Variants in TSPAN9 observed in about 807,000 individuals in gnomAD.
TSPAN9 encodes the protein tetraspanin 9.
A neutral mutation model predicts 31.0 loss-of-function variants in TSPAN9; 16 were observed. That is an observed-to-expected ratio of 0.52 (90% CI 0.35 to 0.78). The LOEUF (loss-of-function observed/expected upper bound fraction) is 0.78, where lower values mean the gene tolerates loss of function less well. Ranked by LOEUF, TSPAN9 falls within the 30% of genes least tolerant of loss-of-function variation. The pLI, the probability that TSPAN9 is intolerant of heterozygous loss-of-function variation, is 0.01. For synonymous variants in TSPAN9, 145 were observed against 121.6 expected (o/e 1.19, Z -1.27); for missense variants, 272 against 312.5 (o/e 0.87, Z 0.98).
At chr12:3,150,519 C>G (rs1214157060) in intron 2 of TSPAN9, among the ~76,000 whole-genome samples, 1 of 152,138 alleles carries the variant, frequency 6.6e-6, no homozygotes, top group Admixed American at 6.5e-5. Context: ...CATGCTGAGG[C>G]TGATATATAC....
chr12:3,248,472 CCT>C (rs1487127903), intron 3 of TSPAN9, among the ~76,000 whole-genome samples: 2 of 152,122 alleles, frequency 1.3e-5, no homozygotes, highest in African/African-American at 4.8e-5. Flanking sequence ...GATCTCCTGC[CCT>C]CTCTTGTTCT....
intron 2 of TSPAN9, among the ~76,000 whole-genome samples, chr12:3,094,847 C>CTTTTTT (rs61154605): frequency 5.9e-5 from 6 of 101,926 alleles, no homozygotes; most frequent in Admixed American, 9.8e-5. Flanking sequence ...AATCAATAAT[C>CTTTTTT]TTTTTTTTTT....
chr12:3,108,993 T>A (rs11611758), intron 2 of TSPAN9, among the ~76,000 whole-genome samples: 5 of 152,002 alleles, frequency 3.3e-5, no homozygotes, highest in South Asian at 2.1e-4. Flanking sequence ...TGCAGTGCAG[T>A]GGCGCGATCT....
intron 3 of TSPAN9, among the ~76,000 whole-genome samples, chr12:3,238,158 C>G (rs964592153): frequency 2.6e-5 from 4 of 152,172 alleles, no homozygotes; most frequent in African/African-American, 7.2e-5. Context: ...TGCATTATCC[C>G]CATTCTACAG....
rs933295962 is a variant in TSPAN9 at position 3,187,792 on chromosome 12, C to G, written c.-17-13385C>G. Among the ~76,000 whole-genome samples, 1 of 152,136 alleles carries G rather than the reference C, an allele frequency of 6.6e-6. No homozygotes were observed. The highest frequency in any genetic ancestry group is 1.9e-4 in the East Asian group (1 of 5,174). On this transcript the variant is annotated intron_variant, in intron 2 of 8. Coordinates refer to ENST00000011898, the MANE Select transcript of TSPAN9 (RefSeq NM_006675.5). The surrounding 1 kb of genome is among the most constrained non-coding windows in gnomAD (Gnocchi z 5.2). ...TGCCATGCAAGCCCAACACGTACCC[C>G]TTCTCCAAGAAGCCCTTCCTGATGG...
chr12:3,122,206 T>C (rs7316369), intron 2 of TSPAN9, among the ~76,000 whole-genome samples: 96,271 of 151,346 alleles, frequency 0.64, 30,811 homozygotes, highest in East Asian at 0.74. Flanking sequence ...TGGTGGTGGG[T>C]GCCTGTAGTC....
intron 3 of TSPAN9, among the ~76,000 whole-genome samples, chr12:3,243,039 G>A (rs181054560): frequency 6.0e-4 from 91 of 152,318 alleles, no homozygotes; most frequent in Non-Finnish European, 1.1e-3. Context: ...GAGAAAGTTG[G>A]GGTGTGGATG....
At chr12:3,199,712 G>C (rs575522140) in intron 2 of TSPAN9, among the ~76,000 whole-genome samples, 3 of 152,230 alleles carry the variant, frequency 2.0e-5, no homozygotes, top group Admixed American at 6.5e-5. Flanking sequence ...CTGGCGGAGC[G>C]CCTTGTGTGC....
intron 3 of TSPAN9, among the ~76,000 whole-genome samples, chr12:3,246,228 G>A (rs1319355606): frequency 6.6e-6 from 1 of 151,964 alleles, no homozygotes; most frequent in Non-Finnish European, 1.5e-5. Context: ...ACCCAGTCTT[G>A]TGAGAACTCA....
chr12:3,271,610 C>T (rs143975286), intron 3 of TSPAN9, among the ~76,000 whole-genome samples: 3 of 152,090 alleles, frequency 2.0e-5, no homozygotes, highest in Non-Finnish European at 4.4e-5. Flanking sequence ...CTGGGAGACC[C>T]GTGTGGCTGC....
At chr12:3,175,832 G>A (rs991672468) in intron 2 of TSPAN9, among the ~76,000 whole-genome samples, 1 of 152,118 alleles carries the variant, frequency 6.6e-6, no homozygotes, top group Non-Finnish European at 1.5e-5. Context: ...ACTTAACACC[G>A]ACCCTGGAAT....
intron 2 of TSPAN9, among the ~76,000 whole-genome samples, chr12:3,194,863 C>A (rs909195780): frequency 6.6e-6 from 1 of 152,264 alleles, no homozygotes; most frequent in Non-Finnish European, 1.5e-5. Context: ...AGCCTCCCCC[C>A]ACCATGTGGG....
chr12:3,282,193 G>A (rs910237921), intron 8 of TSPAN9: 13 of 589,248 alleles, frequency 2.2e-5, no homozygotes, highest in South Asian at 2.1e-4. Flanking sequence ...TCTCTGTGGT[G>A]ACCGTGAGAC....
intron 2 of TSPAN9, among the ~76,000 whole-genome samples, chr12:3,161,590 A>G (rs546700077): frequency 1.6e-4 from 24 of 152,292 alleles, no homozygotes; most frequent in African/African-American, 5.1e-4. Context: ...GCCTGGGGAA[A>G]GTGCTCTTGG....
At chr12:3,245,197 G>A (rs1006914425) in intron 3 of TSPAN9, among the ~76,000 whole-genome samples, 2 of 152,212 alleles carry the variant, frequency 1.3e-5, no homozygotes, top group Non-Finnish European at 2.9e-5. Flanking sequence ...CCATCCAAGC[G>A]AGTGAGCAGG....
chr12:3,152,593 C>CTTTCTTTTTTTT (rs2098340359), intron 2 of TSPAN9, among the ~76,000 whole-genome samples: 1 of 143,118 alleles, frequency 7.0e-6, no homozygotes, highest in African/African-American at 2.6e-5. Context: ...CTTTTCTTTT[C>CTTTCTTTTTTTT]TTTCTTTTTT....
intron 3 of TSPAN9, among the ~76,000 whole-genome samples, chr12:3,213,121 A>G (rs2098379618): frequency 6.6e-6 from 1 of 152,188 alleles, no homozygotes. Flanking sequence ...CCTTTTAGCA[A>G]TGGCACTTTG....
intron 3 of TSPAN9, among the ~76,000 whole-genome samples, chr12:3,253,837 C>T (rs556236883): frequency 6.6e-6 from 1 of 152,284 alleles, no homozygotes; most frequent in Admixed American, 6.5e-5. Flanking sequence ...TGGTGGTGTG[C>T]CCTCCTGGCC....
intron 3 of TSPAN9, among the ~76,000 whole-genome samples, chr12:3,244,599 G>C (rs2098398396): frequency 6.6e-6 from 1 of 152,190 alleles, no homozygotes; most frequent in Non-Finnish European, 1.5e-5. Flanking sequence ...CGCCCCACCG[G>C]ACCACGCGCT....
Sources: allele counts gnomAD v4.1 joint callset (sites outside exome capture counted in the v4.1 genomes callset), GRCh38; gene constraint gnomAD v4.1.1; non-coding constraint Gnocchi (gnomAD v3.1); transcripts MANE v1.5; gene names NCBI Gene and HGNC (gene_info 2026-07-23, HGNC 2026-07-21).